DNM3: variants seen among roughly 807,000 people sequenced by gnomAD.
DNM3 encodes dynamin 3.
A neutral mutation model predicts 101.6 loss-of-function variants in DNM3; 47 were observed. That is an observed-to-expected ratio of 0.46 (90% CI 0.37 to 0.59). The LOEUF (loss-of-function observed/expected upper bound fraction) is 0.59. DNM3 is among the 20% of genes least tolerant of loss of function. DNM3 has a pLI of 0.00. For synonymous variants in DNM3, 385 were observed against 387.9 expected (o/e 0.99, Z 0.09); for missense variants, 849 against 1,085.7 (o/e 0.78, Z 3.06).
At chr1:171,893,786 G>A (rs2037510688) in intron 1 of DNM3, among the ~76,000 whole-genome samples, 1 of 151,796 alleles carries the variant, frequency 6.6e-6, no homozygotes, top group Non-Finnish European at 1.5e-5. Flanking sequence ...GCAATTTTGA[G>A]TGGTTCAATC....
intron 10 of DNM3, among the ~76,000 whole-genome samples, chr1:172,064,898 T>C (rs146635811): frequency 4.7e-4 from 72 of 152,326 alleles, no homozygotes; most frequent in African/African-American, 1.6e-3. Flanking sequence ...GTTTCTTTTG[T>C]TCCACTTAGA....
At position 172,409,142 on chromosome 1, in the gene DNM3, G is replaced by C. The variant is rs1054848846; in HGVS notation, c.*1301G>C. On this transcript the variant is annotated 3_prime_UTR_variant, in exon 21 of 21. Coordinates refer to ENST00000627582, the MANE Select transcript of DNM3 (RefSeq NM_015569.5). Reference sequence around the variant, plus strand: ...CCAAGGACCAGATGATTCACATGTAGGAAACAGCCAGAAGCCAACTGGAAT... The same window carrying C: ...CCAAGGACCAGATGATTCACATGTACGAAACAGCCAGAAGCCAACTGGAAT... 5.1e-6 allele frequency: 5 copies of C among 985,240 alleles called. No individual in the cohort carries two copies. In the African/African-American group the frequency reaches 8.7e-5, roughly 17 times the overall value. 61.0% of individuals were successfully genotyped at this position (985,240 alleles called of 1,614,324 possible).
rs745651671 is a variant in DNM3, at chr1:172,304,222, A to AAAAAAAAAAAAAAAAAAAAAC, written c.1770-4506_1770-4505insAAAAAAAAAAAAAAAAAAAAC. 3.2e-4 allele frequency among the ~76,000 whole-genome samples: 41 copies of AAAAAAAAAAAAAAAAAAAAAC among 128,970 alleles called. 2 individuals carry two copies. The highest frequency in any genetic ancestry group is 6.3e-4 in the African/African-American group (18 of 28,632). 84.6% of individuals were successfully genotyped at this position (128,970 alleles called of 152,430 possible). A position where few individuals can be genotyped will look rare whatever the true frequency, so the allele number is the denominator to read the frequency against. ...AAAGGAAAGCAAAAAAAAAAAAAAAACAGGAGTTGCAATCCTAGTCTCTGA... is the reference window on the plus strand; with the variant it reads ...AAAGGAAAGCAAAAAAAAAAAAAAAAAAAAAAAAAAAAAAAAAAAACCAGGAGTTGCAATCCTAGTCTCTGA... On this transcript the variant is annotated intron_variant, in intron 15 of 20. Transcript: ENST00000627582.
intron 11 of DNM3, among the ~76,000 whole-genome samples, chr1:172,078,060 T>G (rs2052812647): frequency 6.6e-6 from 1 of 152,134 alleles, no homozygotes; most frequent in Admixed American, 6.6e-5. Context: ...TGTAATTACC[T>G]TCTTTGTCTT....
chr1:172,054,729 C>T (rs933890279), intron 10 of DNM3, among the ~76,000 whole-genome samples: 22 of 152,050 alleles, frequency 1.4e-4, no homozygotes, highest in African/African-American at 1.9e-4. Context: ...GAGGCCGAGG[C>T]GGATGGATCA....
At chr1:172,008,311 C>A (rs918624278) in intron 4 of DNM3, among the ~76,000 whole-genome samples, 2 of 151,866 alleles carry the variant, frequency 1.3e-5, no homozygotes, top group South Asian at 4.1e-4. Flanking sequence ...CCTCTGTTTT[C>A]TTCGAGTAGT....
intron 17 of DNM3, among the ~76,000 whole-genome samples, chr1:172,336,114 C>T (rs2066415613): frequency 2.0e-5 from 3 of 152,030 alleles, no homozygotes; most frequent in African/African-American, 7.3e-5. Context: ...GCCAGAGATG[C>T]TGCTAAACAC....
At chr1:171,913,169 G>C (rs1326797525) in intron 1 of DNM3, among the ~76,000 whole-genome samples, 1 of 151,986 alleles carries the variant, frequency 6.6e-6, no homozygotes, top group Non-Finnish European at 1.5e-5. Context: ...TGTTTCAGTG[G>C]GAACCATTAA....
chr1:171,989,469 T>C (rs914357440), intron 4 of DNM3, among the ~76,000 whole-genome samples: 3 of 152,102 alleles, frequency 2.0e-5, no homozygotes, highest in African/African-American at 7.2e-5. Flanking sequence ...AATAAACTTC[T>C]GGTACAGCAG....
chr1:172,229,788 G>A (rs923432440), intron 14 of DNM3, among the ~76,000 whole-genome samples: 3 of 151,896 alleles, frequency 2.0e-5, no homozygotes, highest in African/African-American at 4.8e-5. Context: ...GTGCTTCTTG[G>A]GGTCCTAGAA....
chr1:172,299,133 G>A (rs1475431586), intron 15 of DNM3, among the ~76,000 whole-genome samples: 1 of 152,184 alleles, frequency 6.6e-6, no homozygotes, highest in African/African-American at 2.4e-5. Context: ...TGCAGGCAGA[G>A]AGCAGCATAT....
chr1:172,335,455 G>A (rs1381301095), intron 17 of DNM3, among the ~76,000 whole-genome samples: 1 of 152,082 alleles, frequency 6.6e-6, no homozygotes, highest in South Asian at 2.1e-4. Context: ...AGCATAAAAT[G>A]TATAATATTA....
chr1:172,278,382 A>G (rs2063367191), intron 15 of DNM3, among the ~76,000 whole-genome samples: 2 of 152,160 alleles, frequency 1.3e-5, no homozygotes, highest in Non-Finnish European at 2.9e-5. Flanking sequence ...GTCTTGGGCC[A>G]CACATAAAAT....
intron 15 of DNM3, among the ~76,000 whole-genome samples, chr1:172,258,993 TTTCTCTTGACTCAA>T (rs2062534670): frequency 6.6e-6 from 1 of 152,110 alleles, no homozygotes; most frequent in Non-Finnish European, 1.5e-5. Context: ...CTCCTTAATT[TTTCTCTTGACTCAA>T]TTGTGATTCA....
At chr1:172,280,171 A>G (rs2063436659) in intron 15 of DNM3, among the ~76,000 whole-genome samples, 2 of 152,038 alleles carry the variant, frequency 1.3e-5, no homozygotes, top group South Asian at 2.1e-4. Context: ...CCCGTGAGTC[A>G]TGCCCCACCC....
chr1:171,933,593 G>A (rs969952713), intron 2 of DNM3, among the ~76,000 whole-genome samples: 17 of 152,146 alleles, frequency 1.1e-4, no homozygotes, highest in Admixed American at 1.1e-3. Flanking sequence ...AGTTTAGAAA[G>A]GAGGCAAGTG....
chr1:171,847,884 C>CTG (rs1337751054), intron 1 of DNM3, among the ~76,000 whole-genome samples: 74 of 42,474 alleles, frequency 1.7e-3, no homozygotes, highest in South Asian at 4.8e-3. Flanking sequence ...TAATTACTCT[C>CTG]TCTCTCTCTC....
At chr1:171,880,339 C>G (rs1280299519) in intron 1 of DNM3, among the ~76,000 whole-genome samples, 1 of 152,132 alleles carries the variant, frequency 6.6e-6, no homozygotes, top group Non-Finnish European at 1.5e-5. Context: ...TCAGATGTGC[C>G]AGGTGGAATG....
At chr1:172,406,679 T>A (rs1460975887) in intron 20 of DNM3, among the ~76,000 whole-genome samples, 1 of 152,046 alleles carries the variant, frequency 6.6e-6, no homozygotes, top group Non-Finnish European at 1.5e-5. Context: ...CAACAACTAT[T>A]TTTTTCAAAA....
Sources: gnomAD v4.1 joint callset for allele counts (sites outside exome capture counted in the v4.1 genomes callset) on GRCh38, gnomAD v4.1.1 for gene constraint, MANE v1.5 for transcripts, NCBI Gene and HGNC (gene_info 2026-07-23, HGNC 2026-07-21) for gene names.